The following PPFIBP2 variants were observed in gnomAD, a reference collection of about 807,000 sequenced individuals.
The protein encoded by PPFIBP2 is liprin-beta-2.
In PPFIBP2, 118 loss-of-function variants were observed where a neutral mutation model predicts 118.3. The ratio of observed to expected loss-of-function variants is 1.00; its 90% CI spans 0.86 to 1.16. PPFIBP2 has a LOEUF of 1.16. PPFIBP2 is among the 50% of genes most tolerant of loss of function. The pLI, the probability that PPFIBP2 is intolerant of heterozygous loss-of-function variation, is 0.00. For missense variants in PPFIBP2, 1,195 were observed against 1,073.1 expected (o/e 1.11, Z -1.59); for synonymous variants, 414 against 397.4 (o/e 1.04, Z -0.50).
At chr11:7,580,952 T>G (rs1446362858) in intron 3 of PPFIBP2, among the ~76,000 whole-genome samples, 2 of 152,186 alleles carry the variant, frequency 1.3e-5, no homozygotes, top group Non-Finnish European at 2.9e-5. Flanking sequence ...TGCTTCAGCT[T>G]TATGACCCTT....
At chr11:7,656,979 G>A (rs1243402156), downstream of PPFIBP2, 2 of 380,206 alleles carry the variant, frequency 5.3e-6, no homozygotes, top group African/African-American at 2.1e-5. Flanking sequence ...TGGCCCCAGG[G>A]TCCATGTGTG....
intron 5 of PPFIBP2, 65 bp downstream of exon 5, chr11:7,597,738 G>T: frequency 7.7e-7 from 1 of 1,304,722 alleles, no homozygotes; most frequent in Non-Finnish European, 1.1e-6. Context: ...GCCCCTTTGT[G>T]TGCCCAGGCT....
intron 1 of PPFIBP2, among the ~76,000 whole-genome samples, chr11:7,535,939 C>T (rs1422013741): frequency 6.6e-6 from 1 of 152,040 alleles, no homozygotes; most frequent in African/African-American, 2.4e-5. Context: ...AATGAGGGAC[C>T]CGGAGAGCGC....
intron 1 of PPFIBP2, among the ~76,000 whole-genome samples, chr11:7,523,829 G>T (rs376384531): frequency 7.9e-5 from 12 of 152,186 alleles, no homozygotes; most frequent in Admixed American, 2.6e-4. Flanking sequence ...CAGATCTCAG[G>T]ATTTCTCTGC....
chr11:7,641,720 A>G, intron 16 of PPFIBP2, 100 bp downstream of exon 16: 1 of 1,192,072 alleles, frequency 8.4e-7, no homozygotes, highest in Non-Finnish European at 1.2e-6. Context: ...ACACTGAAAC[A>G]GCAGTCAAAA....
chr11:7,518,839 G>A (rs1361716185), intron 1 of PPFIBP2, among the ~76,000 whole-genome samples: 2 of 152,250 alleles, frequency 1.3e-5, no homozygotes, highest in Non-Finnish European at 1.5e-5. Flanking sequence ...TGAAGTGAGG[G>A]TGGGGCATGA....
chr11:7,583,082 G>A (rs1344247787), intron 3 of PPFIBP2, among the ~76,000 whole-genome samples: 2 of 152,058 alleles, frequency 1.3e-5, no homozygotes, highest in African/African-American at 4.8e-5. Context: ...TAGCCTGCTC[G>A]TTCATCTCTA....
intron 2 of PPFIBP2, 46 bp from the exon 3 acceptor site, chr11:7,565,507 G>T (rs6578874): frequency 0.48 from 762,710 of 1,595,714 alleles, 188,918 homozygotes; most frequent in African/African-American, 0.83. Context: ...ACCTTGCTCA[G>T]GGTGTCCACC....
rs924545871 is a variant in PPFIBP2 at position 7,616,417 on chromosome 11, A to G, written c.619-4518A>G. 1.3e-5 allele frequency among the ~76,000 whole-genome samples: 2 copies of G among 152,192 alleles called. No homozygotes were observed. The highest frequency in any genetic ancestry group is 4.8e-5 in the African/African-American group (2 of 41,460). ...TGGGGCCAACTCTATGATGGTTTGCAAGAAGGGAGGAGACAAAGTAGGGAT... is the reference window on the plus strand; with the variant it reads ...TGGGGCCAACTCTATGATGGTTTGCGAGAAGGGAGGAGACAAAGTAGGGAT... On this transcript the variant is annotated intron_variant, in intron 6 of 23. Transcript: ENST00000299492. This position sits in a 1 kb window ranked among gnomAD's most constrained non-coding sequence, Gnocchi z 5.2.
chr11:7,613,964 G>A (rs149831206), intron 6 of PPFIBP2, among the ~76,000 whole-genome samples: 40 of 152,306 alleles, frequency 2.6e-4, no homozygotes, highest in Middle Eastern at 6.8e-3. Context: ...CACAGCACAA[G>A]TGATGATGCC....
downstream of PPFIBP2, among the ~76,000 whole-genome samples, chr11:7,654,666 C>G (rs1373730301): frequency 1.3e-5 from 2 of 152,236 alleles, no homozygotes; most frequent in African/African-American, 2.4e-5. Flanking sequence ...AGTGCTCATT[C>G]AGGCTGATGC....
At chr11:7,546,721 C>T (rs577546087) in intron 1 of PPFIBP2, among the ~76,000 whole-genome samples, 1 of 152,380 alleles carries the variant, frequency 6.6e-6, no homozygotes, top group East Asian at 1.9e-4. Context: ...TTGCCAACTA[C>T]ATCCTGCCCT....
rs181471799 is a variant in PPFIBP2, at chr11:7,593,131, G to A, written c.280-1G>A. ...TATTCTTTTTTTTCTGTCCTCTTTA[G>A]TCCCAGGTAAACCACCACAGTGCTG... On this transcript the variant is annotated splice_acceptor_variant, in intron 3 of 23. Transcript: ENST00000299492. LOFTEE classifies it high-confidence loss of function. The A allele has an allele frequency of 1.9e-6, 3 of 1,612,450 alleles. No individual in the cohort carries two copies. The East Asian group carries it at 6.7e-5, about 36-fold the overall frequency.
chr11:7,653,298 C>T lies in PPFIBP2; in HGVS notation c.*80C>T, dbSNP rs761243244. ...TGTCACCATATAACTGCACCTCACC[C>T]CCGCACGTGTGCATGACTCGCAGAG... On this transcript the variant is annotated 3_prime_UTR_variant, in exon 24 of 24. Transcript: ENST00000299492. 1.3e-6 allele frequency: 2 copies of T among 1,584,524 alleles called. No homozygotes were observed. The highest frequency in any genetic ancestry group is 1.7e-6 in the Non-Finnish European group (2 of 1,167,084).
intron 4 of PPFIBP2, chr11:7,597,094 T>C: frequency 7.9e-7 from 1 of 1,260,742 alleles, no homozygotes. Context: ...ATCAAAACAC[T>C]CACCTGATAG....
intron 22 of PPFIBP2, 149 bp from the exon 23 acceptor site, chr11:7,651,507 G>T: frequency 1.5e-6 from 1 of 658,784 alleles, no homozygotes; most frequent in Non-Finnish European, 2.6e-6. Context: ...GTGCCAGCCA[G>T]TGAGTGGAGT....
chr11:7,656,622 T>A, downstream of PPFIBP2: 1 of 705,858 alleles, frequency 1.4e-6, no homozygotes, highest in Non-Finnish European at 2.2e-6. Context: ...TGCACCTGTG[T>A]CAGATGCAGC....
chr11:7,629,631 T>A, intron 10 of PPFIBP2, 97 bp downstream of exon 10: 1 of 1,204,244 alleles, frequency 8.3e-7, no homozygotes, highest in South Asian at 1.2e-5. Flanking sequence ...TTCACCTCTG[T>A]TTCAGAGAAG....
the PPFIBP2 span, chr11:7,665,894 T>C: frequency 6.5e-7 from 1 of 1,536,154 alleles, no homozygotes; most frequent in South Asian, 1.2e-5. Context: ...TTAGTGGAAC[T>C]GCGCAGAATT....
Sources: allele counts gnomAD v4.1 joint callset (sites outside exome capture counted in the v4.1 genomes callset), GRCh38; gene constraint gnomAD v4.1.1; non-coding constraint Gnocchi (gnomAD v3.1); transcripts MANE v1.5; gene names NCBI Gene and HGNC (gene_info 2026-07-23, HGNC 2026-07-21).